The following MOB3B variants were observed in gnomAD, a reference collection of about 807,000 sequenced individuals.
MOB3B encodes the protein MOB kinase activator-like 2B.
A neutral mutation model predicts 18.7 loss-of-function variants in MOB3B; 7 were observed. That is an observed-to-expected ratio of 0.37 (90% confidence interval 0.21 to 0.70). MOB3B has a LOEUF of 0.70. MOB3B is among the 30% of genes least tolerant of loss of function. MOB3B has a pLI of 0.52. For missense variants in MOB3B, 253 were observed against 281.3 expected (o/e 0.90, Z 0.72); for synonymous variants, 111 against 99.9 (o/e 1.11, Z -0.66).
intron 2 of MOB3B, among the ~76,000 whole-genome samples, chr9:27,372,390 T>C (rs1426882452): frequency 6.6e-6 from 1 of 152,206 alleles, no homozygotes; most frequent in African/African-American, 2.4e-5. Context: ...AAAAATCTCC[T>C]GTGTAGTGAG....
chr9:27,367,775 T>A (rs1031056238), intron 2 of MOB3B, among the ~76,000 whole-genome samples: 5 of 152,168 alleles, frequency 3.3e-5, no homozygotes, highest in African/African-American at 4.8e-5. Context: ...CTCCAAAGGA[T>A]AAACTCTTCT....
intron 2 of MOB3B, among the ~76,000 whole-genome samples, chr9:27,389,734 C>T (rs1821698284): frequency 6.6e-6 from 1 of 152,098 alleles, no homozygotes; most frequent in Non-Finnish European, 1.5e-5. Context: ...GTGCTTGGTA[C>T]ATAGTAGTAA....
chr9:27,487,518 A>T (rs925114457), intron 1 of MOB3B, among the ~76,000 whole-genome samples: 7 of 151,946 alleles, frequency 4.6e-5, no homozygotes, highest in African/African-American at 1.7e-4. Flanking sequence ...CATCCCCATC[A>T]CCTCCATGAG....
rs140402987 is a variant in MOB3B at position 27,517,782 on chromosome 9, C to T, written c.-199+11773G>A. Among the ~76,000 whole-genome samples the T allele has an allele frequency of 1.3e-4, 19 of 150,950 alleles. No homozygotes were observed. The East Asian group carries it at 1.6e-3, about 12-fold the overall frequency. On this transcript the variant is annotated intron_variant, in intron 1 of 3. Coordinates refer to ENST00000262244, the MANE Select transcript of MOB3B (RefSeq NM_024761.5). ...ATTCAATAAATATTTATTGAGTGTA[C>T]GCTGTGTGCTAAACACCGGGGATAA...
At chr9:27,365,855 C>T (rs1821336106) in intron 2 of MOB3B, among the ~76,000 whole-genome samples, 1 of 152,170 alleles carries the variant, frequency 6.6e-6, no homozygotes, top group Admixed American at 6.5e-5. Flanking sequence ...CGGACCAGTA[C>T]TGAAATGGAG....
chr9:27,387,371 T>G (rs534913136), intron 2 of MOB3B, among the ~76,000 whole-genome samples: 1 of 152,272 alleles, frequency 6.6e-6, no homozygotes, highest in African/African-American at 2.4e-5. Context: ...CTTTTGGAAA[T>G]AGTAAAGAGC....
chr9:27,376,775 C>T (rs1236162185), intron 2 of MOB3B, among the ~76,000 whole-genome samples: 1 of 152,214 alleles, frequency 6.6e-6, no homozygotes, highest in African/African-American at 2.4e-5. Context: ...AATTCCCAGG[C>T]CTCAACCTAG....
At chr9:27,498,158 C>T (rs1236944559) in intron 1 of MOB3B, among the ~76,000 whole-genome samples, 1 of 152,152 alleles carries the variant, frequency 6.6e-6, no homozygotes, top group Non-Finnish European at 1.5e-5. Context: ...GTGCGTGTAG[C>T]CTCTATGGTG....
In MOB3B at chr9:27,500,277, C is replaced by A. The variant is rs1819969539; in HGVS notation, c.-199+29278G>T. ...TATATAAAGTGTCTTGTGAGAAATG[C>A]AAAATTCCTTCGTAAAACTACCTTA... On this transcript the variant is annotated intron_variant, in intron 1 of 3. Transcript: ENST00000262244. Among the ~76,000 whole-genome samples the A allele has an allele frequency of 2.0e-5, 3 of 152,190 alleles. No homozygotes were observed. The South Asian group carries it at 6.2e-4, about 32-fold the overall frequency.
At chr9:27,524,577 A>G (rs1301655301) in intron 1 of MOB3B, 3 of 1,614,032 alleles carry the variant, frequency 1.9e-6, no homozygotes, top group South Asian at 1.1e-5. Context: ...ACCTATGAAG[A>G]GGGACATCAA....
At chr9:27,466,500 CG>C (rs904944573) in intron 1 of MOB3B, among the ~76,000 whole-genome samples, 1 of 152,162 alleles carries the variant, frequency 6.6e-6, no homozygotes, top group Admixed American at 6.5e-5. Context: ...TCCACATTTT[CG>C]GGTATCTTTT....
chr9:27,389,414 T>TTACTTGAACATGCCGAGAGCTTCTG (rs1554646845), intron 2 of MOB3B, among the ~76,000 whole-genome samples: 3 of 150,394 alleles, frequency 2.0e-5, no homozygotes, highest in African/African-American at 2.5e-5. Flanking sequence ...TTCTTTCCAA[T>TTACTTGAACATGCCGAGAGCTTCTG]TACTTGAACA....
chr9:27,412,126 G>C (rs2131402673), intron 2 of MOB3B, among the ~76,000 whole-genome samples: 2 of 149,278 alleles, frequency 1.3e-5, no homozygotes, highest in South Asian at 4.3e-4. Context: ...GGGCAAAGGT[G>C]ATCAAAACAA....
At chr9:27,477,016 T>C (rs960009524) in intron 1 of MOB3B, among the ~76,000 whole-genome samples, 1 of 152,060 alleles carries the variant, frequency 6.6e-6, no homozygotes, top group Non-Finnish European at 1.5e-5. Context: ...TCACCTGGGG[T>C]CAGACCTGCA....
At chr9:27,342,125 G>A (rs376407729) in intron 3 of MOB3B, among the ~76,000 whole-genome samples, 22 of 152,122 alleles carry the variant, frequency 1.4e-4, no homozygotes, top group African/African-American at 3.4e-4. Context: ...AGAGCTGAGC[G>A]ACTGGGACAG....
chr9:27,483,833 G>C (rs1819698316), intron 1 of MOB3B, among the ~76,000 whole-genome samples: 1 of 152,166 alleles, frequency 6.6e-6, no homozygotes, highest in Non-Finnish European at 1.5e-5. Context: ...AAGCGACGTA[G>C]GGGGAAATGG....
intron 1 of MOB3B, among the ~76,000 whole-genome samples, chr9:27,497,617 G>GT (rs1819921107): frequency 6.6e-6 from 1 of 151,692 alleles, no homozygotes; most frequent in African/African-American, 2.4e-5. Context: ...AATTTTTGTA[G>GT]TTTTATATGT....
intron 1 of MOB3B, among the ~76,000 whole-genome samples, chr9:27,498,187 G>A (rs540079712): frequency 2.6e-5 from 4 of 152,164 alleles, no homozygotes; most frequent in South Asian, 2.1e-4. Context: ...CTCCAAAAGC[G>A]CAGAAAATAA....
At chr9:27,499,686 G>T (rs769621860) in intron 1 of MOB3B, among the ~76,000 whole-genome samples, 1 of 152,104 alleles carries the variant, frequency 6.6e-6, no homozygotes, top group African/African-American at 2.4e-5. Flanking sequence ...TGAAGGAAAT[G>T]AGTCATTCCA....
Sources: gnomAD v4.1 joint callset for allele counts (sites outside exome capture counted in the v4.1 genomes callset) on GRCh38, gnomAD v4.1.1 for gene constraint, MANE v1.5 for transcripts, NCBI Gene and HGNC (gene_info 2026-07-23, HGNC 2026-07-21) for gene names.